Variants in PRDM15 observed in about 807,000 individuals in gnomAD.
PRDM15 encodes PR/SET domain 15.
PRDM15 carries 64 observed loss-of-function variants against 128.6 expected under a neutral mutation model. The ratio of observed to expected loss-of-function variants is 0.50; its 90% CI spans 0.41 to 0.61. The LOEUF (loss-of-function observed/expected upper bound fraction) is 0.61, where lower values mean the gene tolerates loss of function less well. Ranked by LOEUF, PRDM15 falls within the 20% of genes least tolerant of loss-of-function variation. The pLI, the probability that PRDM15 is intolerant of heterozygous loss-of-function variation, is 0.00. For missense variants in PRDM15, 1,242 were observed against 1,569.1 expected, an observed-to-expected ratio of 0.79 and a Z score of 3.52; for synonymous variants, 615 against 621.8, an observed-to-expected ratio of 0.99 and a Z score of 0.16.
intron 11 of PRDM15, among the ~76,000 whole-genome samples, chr21:41,834,256 T>C (rs1298233097): frequency 6.6e-6 from 1 of 151,998 alleles, no homozygotes; most frequent in African/African-American, 2.4e-5. Context: ...TGGTTTCAAA[T>C]AGGAGCCCTC....
intron 1 of PRDM15, chr21:41,871,673 T>C (rs2064217803): frequency 1.3e-6 from 2 of 1,545,574 alleles, no homozygotes; most frequent in Non-Finnish European, 8.8e-7. Context: ...CCACTGTCCC[T>C]CTCCACGTGT....
At chr21:41,878,591 C>T (rs140815078) in intron 1 of PRDM15, 735 of 609,238 alleles carry the variant, frequency 1.2e-3, no homozygotes, top group Non-Finnish European at 1.7e-3. Context: ...CGGCCACCCA[C>T]CCCGGGTAGG....
chr21:41,818,897 C>T (rs2062146259), intron 18 of PRDM15, among the ~76,000 whole-genome samples: 1 of 152,154 alleles, frequency 6.6e-6, no homozygotes, highest in Non-Finnish European at 1.5e-5. Flanking sequence ...AATGTTCTGT[C>T]GTTACAATGA....
In PRDM15 at chr21:41,820,115, C is replaced by G; in HGVS notation, c.2120G>C (p.Arg707Pro). 1 of 1,613,710 alleles carries G rather than the reference C, an allele frequency of 6.2e-7. No individual in the cohort carries two copies. Among genetic ancestry groups the G allele is most frequent in the East Asian group, 2.2e-5 (1 of 44,866 alleles). The part of the protein sequence containing the change: ...RIFNSIGNLE[R>P]HKLIHTGVKS... ...CGCACCTGTGTGGATGAGCTTGTGG[C>G]GCTCCAGGTTCCCGATGCTGTTGAA... Residue 707 changes from arginine to proline, a missense_variant, in exon 17 of 24, where the codon CGC (arginine) becomes CCC (proline). This residue lies in a region of PRDM15 where 602 missense variants were observed against 788.3 expected (regional missense o/e 0.76). Transcript: ENST00000398548.
In PRDM15 at chr21:41,804,388, G is replaced by A. The variant is rs2061499686; in HGVS notation, c.2733+146C>T. 4.7e-6 allele frequency: 3 copies of A among 636,376 alleles called. No homozygotes were observed. The South Asian group carries it at 5.6e-5, about 12-fold the overall frequency. The allele number at this position is 636,376 out of a possible 1,614,324, so 39.4% of individuals were successfully genotyped here. A position where few individuals can be genotyped will look rare whatever the true frequency, so the allele number is the denominator to read the frequency against. On this transcript the variant is annotated intron_variant, in intron 22 of 23. Transcript: ENST00000398548. ...GGAGATGATCTAAGAGGTTCTGAGGGGAAGAGAAGCCAAGAAAACAGGGTA... is the reference window on the plus strand; with the variant it reads ...GGAGATGATCTAAGAGGTTCTGAGGAGAAGAGAAGCCAAGAAAACAGGGTA...
rs773413274 is a variant in PRDM15 at position 41,810,027 on chromosome 21, A to T, written c.2652+127T>A. On this transcript the variant is annotated intron_variant, in intron 21 of 23. Transcript: ENST00000398548. This position sits in a 1 kb window ranked among gnomAD's most constrained non-coding sequence, Gnocchi z 6.4. Reference sequence around the variant, plus strand: ...GGCAGGCAGTGCCAGTCACAGACGCACCTAAGACTCAGGGCCTGCCTCCAG... The same window carrying T: ...GGCAGGCAGTGCCAGTCACAGACGCTCCTAAGACTCAGGGCCTGCCTCCAG... 1 of 909,476 alleles carries T rather than the reference A, an allele frequency of 1.1e-6. No homozygotes were observed. Among genetic ancestry groups the T allele is most frequent in the Non-Finnish European group, 1.6e-6 (1 of 607,538 alleles). 56.3% of individuals were successfully genotyped at this position (909,476 alleles called of 1,614,324 possible).
At position 41,839,702 on chromosome 21, in the gene PRDM15, T is replaced by C; in HGVS notation, c.792A>G (p.Lys264=). The C allele has an allele frequency of 6.2e-7, 1 of 1,614,274 alleles. No individual in the cohort carries two copies. Among genetic ancestry groups the C allele is most frequent in the Non-Finnish European group, 8.5e-7 (1 of 1,180,052 alleles). The change falls in exon 7 of 24, where the codon AAA becomes AAG. Residue 264 remains lysine (K), a synonymous_variant. Coordinates refer to ENST00000398548, the MANE Select transcript of PRDM15 (RefSeq NM_001040424.3). ...SENVATKEQK[K]KPRRGRKPKV... ...TGGGTTTTCTCCCCCTTCGAGGCTT[T>C]TTCTTCTGTTCTTTGGTGGCAACAT...
intron 1 of PRDM15, among the ~76,000 whole-genome samples, chr21:41,868,119 A>C (rs755484497): frequency 6.6e-6 from 1 of 152,140 alleles, no homozygotes; most frequent in African/African-American, 2.4e-5. Context: ...TAACTGAAAT[A>C]ATGCCCTTGA....
chr21:41,853,401 C>T (rs551423813), intron 5 of PRDM15, among the ~76,000 whole-genome samples: 1 of 152,264 alleles, frequency 6.6e-6, no homozygotes, highest in South Asian at 2.1e-4. Context: ...GGAGGGGGGT[C>T]AGGAGAGTCA....
At chr21:41,817,755 C>T (rs987863981) in intron 18 of PRDM15, among the ~76,000 whole-genome samples, 3 of 152,032 alleles carry the variant, frequency 2.0e-5, no homozygotes, top group East Asian at 1.9e-4. Flanking sequence ...CACAAGCATG[C>T]GCTGGTATGT....
chr21:41,861,835 A>G, intron 1 of PRDM15: 5 of 1,580,008 alleles, frequency 3.2e-6, no homozygotes, highest in Non-Finnish European at 4.3e-6. Flanking sequence ...GAGAGTTCCA[A>G]TTTGCCCTTA....
chr21:41,875,881 T>C (rs567525392), intron 1 of PRDM15, among the ~76,000 whole-genome samples: 13 of 152,308 alleles, frequency 8.5e-5, no homozygotes, highest in Admixed American at 3.3e-4. Context: ...GAGAAATGCA[T>C]TGCTATGGGA....
Position 41,837,952 on chromosome 21 carries a change from T to G in PRDM15, c.983A>C (p.Asp328Ala). 6.2e-7 allele frequency: 1 copy of G among 1,614,158 alleles called. No homozygotes were observed. The change falls in exon 8 of 24, where the codon GAC (aspartate) becomes GCC (alanine). Residue 328 changes from aspartate (D) to alanine (A), a missense_variant. Asp to Ala is a moderately radical substitution (Grantham distance 126, BLOSUM62 -2). This residue lies in a region of PRDM15 where 612 missense variants were observed against 717.0 expected (regional missense o/e 0.85). Transcript: ENST00000398548. ...GACTTACTTTGGAACCGAGCTGGTGTCAGTGGTGGTGGTGGCCAGCTTCCC... is the reference window on the plus strand; with the variant it reads ...GACTTACTTTGGAACCGAGCTGGTGGCAGTGGTGGTGGTGGCCAGCTTCCC... ...VLGKLATTTT[D>A]TSSVPKFTHH...
Position 41,828,416 on chromosome 21 carries a change from A to G in PRDM15, c.1367-83T>C, listed in dbSNP as rs919244836. 6.9e-7 allele frequency: 1 copy of G among 1,454,900 alleles called. No individual in the cohort carries two copies. Among genetic ancestry groups the G allele is most frequent in the South Asian group, 1.2e-5 (1 of 85,944 alleles). 90.1% of individuals were successfully genotyped at this position (1,454,900 alleles called of 1,614,324 possible). On this transcript the variant is annotated intron_variant, in intron 11 of 23. Coordinates refer to ENST00000398548, the MANE Select transcript of PRDM15 (RefSeq NM_001040424.3). This position sits in a 1 kb window ranked among gnomAD's most constrained non-coding sequence, Gnocchi z 5.7. ...GCACGCACGTGTGGCCTGAACGTCAATAAAGCGCGGGTGACGGGCATGAGA... is the reference window on the plus strand; with the variant it reads ...GCACGCACGTGTGGCCTGAACGTCAGTAAAGCGCGGGTGACGGGCATGAGA...
intron 21 of PRDM15, among the ~76,000 whole-genome samples, chr21:41,809,139 G>A (rs2061775829): frequency 6.6e-6 from 1 of 152,176 alleles, no homozygotes; most frequent in Admixed American, 6.5e-5. Flanking sequence ...TGTACACCCT[G>A]AGTGCGCTTC....
chr21:41,807,798 C>T (rs931868414), intron 21 of PRDM15, among the ~76,000 whole-genome samples: 2 of 152,136 alleles, frequency 1.3e-5, no homozygotes, highest in African/African-American at 4.8e-5. Context: ...CAAATTGGTT[C>T]GAGAACAAAG....
chr21:41,821,359 G>A lies in PRDM15; in HGVS notation c.1897-129C>T, dbSNP rs1036210169. 5.5e-6 allele frequency: 6 copies of A among 1,097,856 alleles called. No individual in the cohort carries two copies. The highest frequency in any genetic ancestry group is 6.1e-4 in the Middle Eastern group (2 of 3,286). 68.0% of individuals were successfully genotyped at this position (1,097,856 alleles called of 1,614,324 possible). On this transcript the variant is annotated intron_variant, in intron 15 of 23. Coordinates refer to ENST00000398548, the MANE Select transcript of PRDM15 (RefSeq NM_001040424.3). The surrounding 1 kb of genome is among the most constrained non-coding windows in gnomAD (Gnocchi z 5.4). ...AGAGCCCATGACTCATGCCAGGGTG[G>A]AAGGGACTCTCAGAGGCTTGATGGG...
rs73906123 is a variant in PRDM15 at position 41,866,859 on chromosome 21, C to T, written c.-9-6487G>A. 7.2e-3 allele frequency among the ~76,000 whole-genome samples: 1,097 copies of T among 152,282 alleles called. 15 individuals carry two copies. The highest frequency in any genetic ancestry group is 0.025 in the African/African-American group (1,027 of 41,546). ...AGAGAGGGCTGGTAGAGCCCAGATC[C>T]GGCTGGACCACCTGACCCGCATCTT... On this transcript the variant is annotated intron_variant, in intron 1 of 23. Transcript: ENST00000398548.
chr21:41,845,617 A>T (rs1324169933), intron 6 of PRDM15, among the ~76,000 whole-genome samples: 2 of 151,910 alleles, frequency 1.3e-5, no homozygotes, highest in African/African-American at 4.8e-5. Context: ...CCTGAAATGG[A>T]GCCACGGTTG....
Sources: gnomAD v4.1 joint callset for allele counts (sites outside exome capture counted in the v4.1 genomes callset) on GRCh38, gnomAD v4.1.1 for gene constraint, gnomAD v4.1.1 regional missense constraint, Gnocchi (gnomAD v3.1) non-coding constraint, MANE v1.5 for transcripts, NCBI Gene and HGNC (gene_info 2026-07-23, HGNC 2026-07-21) for gene names.